Variants in HPS3 observed in about 807,000 individuals in gnomAD.
HPS3 encodes BLOC-2 complex member HPS3.
In HPS3, 79 loss-of-function variants were observed where a neutral mutation model predicts 110.9. The observed-to-expected ratio is 0.71, with a 90% CI of 0.59 to 0.86. HPS3 has a LOEUF of 0.86. Ranked by LOEUF, HPS3 falls within the 40% of genes least tolerant of loss-of-function variation. The probability of loss-of-function intolerance (pLI) is 0.00; values close to 1 mark genes in which losing one functional copy is unlikely to be tolerated. For missense variants in HPS3, 1,197 were observed against 1,206.2 expected, an observed-to-expected ratio of 0.99 and a Z score of 0.11; for synonymous variants, 428 against 451.0, an observed-to-expected ratio of 0.95 and a Z score of 0.65.
chr3:149,137,959 G>A (rs1397175488), intron 1 of HPS3, among the ~76,000 whole-genome samples: 2 of 152,102 alleles, frequency 1.3e-5, no homozygotes, highest in Non-Finnish European at 2.9e-5. Context: ...TGGTGAAAAT[G>A]TACATTTTAT....
At chr3:149,132,831 C>T (rs1391233285) in intron 1 of HPS3, among the ~76,000 whole-genome samples, 4 of 152,118 alleles carry the variant, frequency 2.6e-5, no homozygotes, top group African/African-American at 9.7e-5. Flanking sequence ...GATCAGATAC[C>T]AACATTAACA....
rs150594462 is a variant in HPS3, at chr3:149,153,625, A to C, written c.1377A>C (p.Arg459Ser). ...TKAEPEAIPE[R>S]RQSPKRLLSR... ...CAGAACCTGAAGCCATTCCAGAGAG[A>C]AGACAGTCACCCAAGAGGCTTCTGT... Residue 459 changes from arginine to serine, a missense_variant, in exon 7 of 17, where the codon AGA (arginine) becomes AGC (serine). Arg to Ser is a moderately radical substitution (Grantham distance 110). Transcript: ENST00000296051. 3 of 1,614,124 alleles carry C rather than the reference A, an allele frequency of 1.9e-6. No individual in the cohort carries two copies. In the African/African-American group the frequency reaches 4.0e-5, roughly 22 times the overall value.
intron 8 of HPS3, 143 bp from the exon 9 acceptor site, chr3:149,157,206 TG>T (rs71135667): frequency 0.031 from 23,323 of 747,370 alleles, 483 homozygotes; most frequent in South Asian, 0.051. Context: ...CTTGTCAGAA[TG>T]GTGAATAACC....
Position 149,140,138 on chromosome 3 carries a change from A to T in HPS3, c.352A>T (p.Ser118Cys). The change falls in exon 2 of 17, where the codon AGC becomes TGC. Residue 118 changes from serine to cysteine, a missense_variant. Ser to Cys is a moderately radical substitution (Grantham distance 112). Coordinates refer to ENST00000296051, the MANE Select transcript of HPS3 (RefSeq NM_032383.5). ...MIGHNVEGPF[S>C]KAFRDQMYII... ...TGGGCATAATGTGGAGGGACCATTC[A>T]GCAAAGCCTTCAGAGACCAGATGTA... 6.2e-7 allele frequency: 1 copy of T among 1,613,952 alleles called. No homozygotes were observed. The highest frequency in any genetic ancestry group is 8.5e-7 in the Non-Finnish European group (1 of 1,179,858).
intron 10 of HPS3, 138 bp from the exon 11 acceptor site, chr3:149,159,908 A>T (rs1723682713): frequency 1.6e-5 from 11 of 683,024 alleles, no homozygotes; most frequent in Admixed American, 2.4e-5. Context: ...TCTTTTTAAA[A>T]TTAAAACATA....
At chr3:149,166,929 T>G in intron 14 of HPS3, 105 bp from the exon 15 acceptor site, 1 of 863,012 alleles carries the variant, frequency 1.2e-6, no homozygotes, top group South Asian at 1.3e-5. Flanking sequence ...TCTTTCTATT[T>G]TATTTTTGGC....
chr3:149,160,910 A>T (rs1448449170), intron 11 of HPS3, among the ~76,000 whole-genome samples: 1 of 152,200 alleles, frequency 6.6e-6, no homozygotes, highest in Non-Finnish European at 1.5e-5. Context: ...ATAGGGTAGG[A>T]GTATTATACA....
chr3:149,162,479 A>C, intron 12 of HPS3, 146 bp downstream of exon 12: 1 of 884,680 alleles, frequency 1.1e-6, no homozygotes, highest in South Asian at 1.4e-5. Flanking sequence ...AAAAGTACTA[A>C]TTAAAAGACT....
chr3:149,141,497 C>T, intron 4 of HPS3, 117 bp downstream of exon 4: 4 of 745,280 alleles, frequency 5.4e-6, no homozygotes, highest in Non-Finnish European at 9.3e-6. Flanking sequence ...CCACTGGAGT[C>T]TCCTTGTGGC....
intron 1 of HPS3, among the ~76,000 whole-genome samples, chr3:149,135,550 TC>T (rs1722034300): frequency 6.6e-6 from 1 of 152,046 alleles, no homozygotes. Context: ...TTTTCTGAGG[TC>T]CCCCCAGCCA....
At chr3:149,164,757 T>C (rs1414544766) in intron 14 of HPS3, among the ~76,000 whole-genome samples, 4 of 152,228 alleles carry the variant, frequency 2.6e-5, no homozygotes, top group African/African-American at 9.6e-5. Context: ...CAGCCCCTCC[T>C]TGGGCAGTGC....
In HPS3 at chr3:149,167,994, T is replaced by C; in HGVS notation, c.2887+11T>C. On this transcript the variant is annotated intron_variant, in intron 16 of 16. Coordinates refer to ENST00000296051, the MANE Select transcript of HPS3 (RefSeq NM_032383.5). Reference sequence around the variant, plus strand: ...TGTCATCATTAAAAGGTAAAATGATTTTTTTTTTGCTTGATTATAAACTTA... The same window carrying C: ...TGTCATCATTAAAAGGTAAAATGATCTTTTTTTTGCTTGATTATAAACTTA... 2 of 1,413,648 alleles carry C rather than the reference T, an allele frequency of 1.4e-6. No individual in the cohort carries two copies. Among genetic ancestry groups the C allele is most frequent in the South Asian group, 2.3e-5 (2 of 86,604 alleles). The allele number at this position is 1,413,648 out of a possible 1,614,324, so 87.6% of individuals were successfully genotyped here. A position where few individuals can be genotyped will look rare whatever the true frequency, so the allele number is the denominator to read the frequency against.
rs1258939824 is a variant in HPS3 at position 149,172,311 on chromosome 3, T to TTA, written c.*95_*96dup. 2 of 786,864 alleles carry TTA rather than the reference T, an allele frequency of 2.5e-6. No homozygotes were observed. The highest frequency in any genetic ancestry group is 2.1e-5 in the Admixed American group (1 of 46,830). 48.7% of individuals were successfully genotyped at this position (786,864 alleles called of 1,614,324 possible). A position where few individuals can be genotyped will look rare whatever the true frequency, so the allele number is the denominator to read the frequency against. On this transcript the variant is annotated 3_prime_UTR_variant, in exon 17 of 17. Transcript: ENST00000296051. Reference sequence around the variant, plus strand: ...AGTACAAGTAGAGGAGTTTTTTATTTTATATATCACACACACACACACACA... The same window carrying TTA: ...AGTACAAGTAGAGGAGTTTTTTATTTTATATATATCACACACACACACACACA...
At chr3:149,133,688 C>T (rs1177490421) in intron 1 of HPS3, among the ~76,000 whole-genome samples, 1 of 152,162 alleles carries the variant, frequency 6.6e-6, no homozygotes, top group Non-Finnish European at 1.5e-5. Flanking sequence ...AGCATCGGGG[C>T]AAGACCCTTC....
chr3:149,144,483 G>C (rs1367575074), intron 4 of HPS3, among the ~76,000 whole-genome samples: 1 of 152,214 alleles, frequency 6.6e-6, no homozygotes, highest in Non-Finnish European at 1.5e-5. Flanking sequence ...TCATTTGTTT[G>C]AATCATATTC....
At chr3:149,149,148 A>G (rs1461727327) in intron 5 of HPS3, among the ~76,000 whole-genome samples, 10 of 145,466 alleles carry the variant, frequency 6.9e-5, no homozygotes, top group African/African-American at 2.3e-4. Flanking sequence ...TATTTTTAGT[A>G]GAGACGGGGT....
intron 1 of HPS3, 77 bp from the exon 2 acceptor site, chr3:149,139,927 A>G (rs17787099): frequency 7.7e-7 from 1 of 1,300,002 alleles, no homozygotes. Context: ...AGAATTCATT[A>G]ATAGTACTCA....
chr3:149,168,635 T>G (rs1021442824), intron 16 of HPS3, among the ~76,000 whole-genome samples: 1 of 152,154 alleles, frequency 6.6e-6, no homozygotes, highest in African/African-American at 2.4e-5. Flanking sequence ...TTTTAAAATG[T>G]AAGGCCGAGT....
Position 149,163,906 on chromosome 3 carries a change from C to A in HPS3, c.2546C>A (p.Ser849Tyr). 6.3e-7 allele frequency: 1 copy of A among 1,579,606 alleles called. No individual in the cohort carries two copies. The highest frequency in any genetic ancestry group is 8.7e-7 in the Non-Finnish European group (1 of 1,148,646). ...PWVHVVISSD[S>Y]LADKNYTEDL... Reference sequence around the variant, plus strand: ...GTTCACGTCGTAATATCATCTGATTCTTTAGCTGATAAAAATTATACAGAA... The same window carrying A: ...GTTCACGTCGTAATATCATCTGATTATTTAGCTGATAAAAATTATACAGAA... The change falls in exon 14 of 17, where the codon TCT becomes TAT. Residue 849 changes from serine (S) to tyrosine (Y), a missense_variant. Transcript: ENST00000296051.
Sources: allele counts gnomAD v4.1 joint callset (sites outside exome capture counted in the v4.1 genomes callset), GRCh38; gene constraint gnomAD v4.1.1; transcripts MANE v1.5; gene names NCBI Gene and HGNC (gene_info 2026-07-23, HGNC 2026-07-21).